Variants in MYH16 observed in about 807,000 individuals in gnomAD.
MYH16 encodes the protein putative uncharacterized protein MYH16.
At chr7:99,298,089 C>G in intron 36 of MYH16, 94 bp downstream of exon 17, 1 of 418,138 alleles carries the variant, frequency 2.4e-6, no homozygotes, top group Non-Finnish European at 4.8e-6. Flanking sequence ...AGTCGCGTGA[C>G]GTTGGGCAAT....
intron 1 of MYH16, among the ~76,000 whole-genome samples, chr7:99,241,137 G>A (rs771206436): frequency 9.2e-5 from 14 of 152,204 alleles, no homozygotes; most frequent in Non-Finnish European, 1.5e-4. Context: ...CCGGCCAGCC[G>A]GGTTTGGGAC....
chr7:99,241,654 G>A lies in MYH16; in HGVS notation n.211-1624G>A, dbSNP rs374266317. Among the ~76,000 whole-genome samples the A allele has an allele frequency of 3.3e-4, 50 of 152,220 alleles. No homozygotes were observed. In the East Asian group the frequency reaches 3.5e-3, roughly 11 times the overall value. ...TTACTAAGGGCGTGGTAACCATTAC[G>A]GGGAGTGGGGGTGGATTTTCCAGAA... On this transcript the variant is annotated intron_variant and non_coding_transcript_variant, in intron 1 of 41. Transcript: ENST00000439784.
chr7:99,257,199 C>T (rs541038620), intron 9 of MYH16: 6 of 152,660 alleles, frequency 3.9e-5, no homozygotes, highest in Non-Finnish European at 7.3e-5. Context: ...CATGCCCTGC[C>T]GCAGTGGCCC....
chr7:99,277,870 A>G (rs906181050), intron 21 of MYH16, among the ~76,000 whole-genome samples, 158 bp downstream of exon 3: 6 of 146,668 alleles, frequency 4.1e-5, no homozygotes, highest in Admixed American at 2.7e-4. Context: ...AAAAGTCTCC[A>G]TCCAATTCGT....
chr7:99,288,266 A>G (rs1792313538), intron 29 of MYH16, 129 bp downstream of exon 10: 1 of 377,864 alleles, frequency 2.6e-6, no homozygotes, highest in South Asian at 1.9e-5. Flanking sequence ...ACATAGCCAG[A>G]CCTCGTCTCC....
chr7:99,249,582 T>TG (rs1471426794), intron 4 of MYH16, among the ~76,000 whole-genome samples: 2 of 141,834 alleles, frequency 1.4e-5, no homozygotes, highest in Admixed American at 6.9e-5. Flanking sequence ...GTTTTTTTTT[T>TG]TTTTTTTTTT....
At chr7:99,296,632 G>T (rs910473522) in intron 33 of MYH16, 69 bp from the exon 15 acceptor site, 27 of 439,474 alleles carry the variant, frequency 6.1e-5, no homozygotes, top group Middle Eastern at 7.1e-4. Context: ...AGAGGTTGGT[G>T]GGGGGGTGGG....
chr7:99,281,390 T>C (rs886494105), intron 23 of MYH16, among the ~76,000 whole-genome samples: 3 of 150,374 alleles, frequency 2.0e-5, no homozygotes, highest in African/African-American at 7.4e-5. Flanking sequence ...AACTCCCATC[T>C]CTACAAAAAA....
chr7:99,254,613 C>G (rs1409586977), intron 8 of MYH16, among the ~76,000 whole-genome samples: 1 of 152,216 alleles, frequency 6.6e-6, no homozygotes, highest in Non-Finnish European at 1.5e-5. Context: ...ACCCACTCAA[C>G]TGGATGCCCT....
At chr7:99,294,395 A>G (rs1177716623) in intron 33 of MYH16, among the ~76,000 whole-genome samples, 2 of 151,432 alleles carry the variant, frequency 1.3e-5, no homozygotes, top group Non-Finnish European at 2.9e-5. Flanking sequence ...AACCAAGCAC[A>G]ATGGCCCATG....
At chr7:99,246,728 A>G (rs985749875) in intron 2 of MYH16, among the ~76,000 whole-genome samples, 10 of 150,314 alleles carry the variant, frequency 6.7e-5, no homozygotes, top group African/African-American at 2.4e-4. Context: ...AAAAAAAACC[A>G]TGGAAGGGAG....
intron 33 of MYH16, among the ~76,000 whole-genome samples, chr7:99,295,917 A>G (rs1488522551): frequency 6.6e-6 from 1 of 151,198 alleles, no homozygotes; most frequent in Non-Finnish European, 1.5e-5. Flanking sequence ...TGAGGCAGGC[A>G]GATCACCTGA....
chr7:99,252,449 A>T (rs1192462540), intron 6 of MYH16: 1 of 152,304 alleles, frequency 6.6e-6, no homozygotes, highest in African/African-American at 2.4e-5. Flanking sequence ...TTTCCGGAAG[A>T]ATTTATTGAT....
chr7:99,285,120 A>G (rs907468104), intron 26 of MYH16, among the ~76,000 whole-genome samples, 185 bp downstream of exon 8: 3 of 152,026 alleles, frequency 2.0e-5, no homozygotes, highest in Non-Finnish European at 4.4e-5. Context: ...AGGCCCTCCA[A>G]CTGCTCCCCG....
At chr7:99,307,668 GATCT>G (rs1792701041), downstream of MYH16, among the ~76,000 whole-genome samples, 2 of 152,094 alleles carry the variant, frequency 1.3e-5, no homozygotes, top group African/African-American at 2.4e-5. Flanking sequence ...AGGTTACAAT[GATCT>G]AGCATTCCAG....
At chr7:99,260,379 AG>A (rs1791925934) in intron 12 of MYH16, 1 of 832,488 alleles carries the variant, frequency 1.2e-6, no homozygotes, top group Non-Finnish European at 1.9e-6. Context: ...GCCAGGGCCA[AG>A]GGATGTCACT....
intron 9 of MYH16, among the ~76,000 whole-genome samples, chr7:99,256,268 G>A (rs1391686580): frequency 1.3e-5 from 1 of 75,244 alleles, no homozygotes; most frequent in Non-Finnish European, 2.4e-5. Flanking sequence ...CTAAGATCCC[G>A]TCTCTGCAAA....
chr7:99,247,993 C>T (rs1466590713), intron 3 of MYH16, among the ~76,000 whole-genome samples: 1 of 152,240 alleles, frequency 6.6e-6, no homozygotes, highest in Non-Finnish European at 1.5e-5. Context: ...ATTTAAGTTT[C>T]ACAAACCCGT....
intron 18 of MYH16, among the ~76,000 whole-genome samples, chr7:99,268,396 C>T (rs776349196): frequency 2.6e-5 from 4 of 152,202 alleles, no homozygotes; most frequent in South Asian, 2.1e-4. Context: ...CAGAACGAAG[C>T]GGGACAGAGC....
Sources: gnomAD v4.1 joint callset for allele counts (sites outside exome capture counted in the v4.1 genomes callset) on GRCh38, gnomAD v4.1.1 for gene constraint, MANE v1.5 for transcripts, NCBI Gene and HGNC (gene_info 2026-07-23, HGNC 2026-07-21) for gene names.